MSI2: variants seen among roughly 807,000 people sequenced by gnomAD.
MSI2 encodes the protein musashi RNA binding protein 2.
A neutral mutation model predicts 45.6 loss-of-function variants in MSI2; 17 were observed. The ratio of observed to expected loss-of-function variants is 0.37; its 90% confidence interval spans 0.26 to 0.56. The LOEUF (loss-of-function observed/expected upper bound fraction) is 0.56. Ranked by LOEUF, MSI2 falls within the 20% of genes least tolerant of loss-of-function variation. MSI2 has a pLI of 0.77. For missense variants in MSI2, 293 were observed against 444.2 expected (o/e 0.66, Z 3.06); for synonymous variants, 156 against 158.2 (o/e 0.99, Z 0.11).
At chr17:57,592,172 C>CAA (rs746051998) in intron 7 of MSI2, among the ~76,000 whole-genome samples, 5 of 81,792 alleles carry the variant, frequency 6.1e-5, no homozygotes, top group South Asian at 3.7e-4. Flanking sequence ...ACTCTGTCTC[C>CAA]AAAAAAAAAA....
At chr17:57,675,175 C>A in intron 12 of MSI2, 49 bp downstream of exon 12, 2 of 1,562,388 alleles carry the variant, frequency 1.3e-6, no homozygotes, top group Non-Finnish European at 8.7e-7. Flanking sequence ...TCCTGACCAG[C>A]TCCTTGTGGC....
intron 7 of MSI2, among the ~76,000 whole-genome samples, chr17:57,540,938 C>A (rs776715344): frequency 6.6e-6 from 1 of 152,198 alleles, no homozygotes; most frequent in Non-Finnish European, 1.5e-5. Context: ...CACTACTGGC[C>A]TGCAGTCCTG....
At chr17:57,423,435 C>G (rs146732978) in intron 6 of MSI2, among the ~76,000 whole-genome samples, 1 of 152,170 alleles carries the variant, frequency 6.6e-6, no homozygotes, top group Admixed American at 6.5e-5. Flanking sequence ...CTACAAATTT[C>G]GGCTTTGTAG....
chr17:57,553,141 G>A (rs2087344969), intron 7 of MSI2, among the ~76,000 whole-genome samples: 2 of 150,430 alleles, frequency 1.3e-5, no homozygotes, highest in Non-Finnish European at 3.0e-5. Context: ...CATCCCCGCA[G>A]CTAGAGCATG....
intron 6 of MSI2, among the ~76,000 whole-genome samples, chr17:57,455,519 TA>T (rs1368242249): frequency 3.3e-5 from 5 of 152,138 alleles, no homozygotes; most frequent in Non-Finnish European, 7.3e-5. Flanking sequence ...CGTTATGAAT[TA>T]AAGATTACAG....
intron 7 of MSI2, among the ~76,000 whole-genome samples, chr17:57,583,285 AGT>A (rs2088253322): frequency 6.6e-6 from 1 of 152,212 alleles, no homozygotes; most frequent in South Asian, 2.1e-4. Flanking sequence ...TGCTCAGGTG[AGT>A]AAATGAGGAG....
At chr17:57,495,785 C>T (rs1014351804) in intron 6 of MSI2, among the ~76,000 whole-genome samples, 4 of 152,318 alleles carry the variant, frequency 2.6e-5, no homozygotes, top group African/African-American at 7.2e-5. Context: ...CCCAGCATCC[C>T]AGCGCCCTGA....
intron 5 of MSI2, among the ~76,000 whole-genome samples, chr17:57,272,293 A>C (rs922834049): frequency 2.0e-5 from 3 of 152,204 alleles, no homozygotes; most frequent in Non-Finnish European, 4.4e-5. Context: ...TAAAGTTTTC[A>C]ACTTAGCGGC....
chr17:57,268,774 G>A (rs1486114013), intron 5 of MSI2, among the ~76,000 whole-genome samples: 2 of 152,156 alleles, frequency 1.3e-5, no homozygotes, highest in Non-Finnish European at 2.9e-5. Context: ...GGCGGAGGTT[G>A]CAGTGAGCCG....
intron 6 of MSI2, among the ~76,000 whole-genome samples, chr17:57,471,011 C>G (rs2085425064): frequency 6.6e-6 from 1 of 152,226 alleles, no homozygotes; most frequent in Non-Finnish European, 1.5e-5. Flanking sequence ...CTTCTGCTCT[C>G]TTGGCTCTGC....
chr17:57,565,433 C>G (rs2087705893), intron 7 of MSI2, among the ~76,000 whole-genome samples: 1 of 152,224 alleles, frequency 6.6e-6, no homozygotes, highest in Non-Finnish European at 1.5e-5. Flanking sequence ...CTTGTCTCCA[C>G]CTGGAATGTC....
chr17:57,393,536 A>G (rs1207345409), intron 5 of MSI2, among the ~76,000 whole-genome samples: 2 of 152,066 alleles, frequency 1.3e-5, no homozygotes, highest in African/African-American at 4.8e-5. Context: ...GTTGATGGAT[A>G]TTTGGGTTGT....
chr17:57,331,931 G>C (rs1010327465), intron 5 of MSI2, among the ~76,000 whole-genome samples: 2 of 152,016 alleles, frequency 1.3e-5, no homozygotes, highest in African/African-American at 4.8e-5. Flanking sequence ...CTTTAAAATC[G>C]TACTCAAAAA....
chr17:57,699,182 A>AGAGAGAGAGAGAGAGAGT, the MSI2 span, among the ~76,000 whole-genome samples: 1 of 25,082 alleles, frequency 4.0e-5, no homozygotes, highest in Non-Finnish European at 6.2e-5. Context: ...AGAGAGAGAG[A>AGAGAGAGAGAGAGAGAGT]GTGTGTGTGT....
At chr17:57,448,213 A>T (rs1157021392) in intron 6 of MSI2, 1 of 152,308 alleles carries the variant, frequency 6.6e-6, no homozygotes, top group East Asian at 1.9e-4. Context: ...AAGCAATCCC[A>T]TGAGCATTAA....
At chr17:57,414,274 C>T (rs1172585982) in intron 6 of MSI2, among the ~76,000 whole-genome samples, 4 of 152,204 alleles carry the variant, frequency 2.6e-5, no homozygotes, top group African/African-American at 7.2e-5. Flanking sequence ...CAGGACTGGC[C>T]TATGGCCTGG....
intron 7 of MSI2, among the ~76,000 whole-genome samples, chr17:57,534,909 A>T (rs573529896): frequency 6.6e-6 from 1 of 152,274 alleles, no homozygotes; most frequent in South Asian, 2.1e-4. Flanking sequence ...TCGTCAATGG[A>T]TTTAATCATT....
In MSI2 at chr17:57,463,999, GTGTGTGTGTGTGTGTGTGTGTA is replaced by G. The variant is rs894019157; in HGVS notation, c.405+62548_405+62569del. Among the ~76,000 whole-genome samples, 4 of 122,064 alleles carry G rather than the reference GTGTGTGTGTGTGTGTGTGTGTA, an allele frequency of 3.3e-5. 1 individual carries two copies. In the East Asian group the frequency reaches 7.2e-4, roughly 22 times the overall value. The allele number at this position is 122,064 out of a possible 152,430, so 80.1% of individuals were successfully genotyped here. A position where few individuals can be genotyped will look rare whatever the true frequency, so the allele number is the denominator to read the frequency against. On this transcript the variant is annotated intron_variant, in intron 6 of 13. Coordinates refer to ENST00000284073, the MANE Select transcript of MSI2 (RefSeq NM_138962.4). ...GGTTCAGTTTAATGAACGTGTGTGT[GTGTGTGTGTGTGTGTGTGTGTA>G]TGTGTGTGTGTGTGTGTGTTTTCAA...
At chr17:57,332,276 T>G (rs1025212337) in intron 5 of MSI2, among the ~76,000 whole-genome samples, 1 of 152,134 alleles carries the variant, frequency 6.6e-6, no homozygotes, top group African/African-American at 2.4e-5. Context: ...AATTTTTGTA[T>G]TTTTGGTAGA....
Sources: gnomAD v4.1 joint callset for allele counts (sites outside exome capture counted in the v4.1 genomes callset) on GRCh38, gnomAD v4.1.1 for gene constraint, MANE v1.5 for transcripts, NCBI Gene and HGNC (gene_info 2026-07-23, HGNC 2026-07-21) for gene names.